Variants in LINGO2 observed in about 807,000 individuals in gnomAD.
LINGO2 encodes leucine-rich repeat and immunoglobulin-like domain-containing nogo receptor-interacting protein 2.
In LINGO2, 14 loss-of-function variants were observed where a neutral mutation model predicts 30.6. That is an observed-to-expected ratio of 0.46 (90% CI 0.30 to 0.72). The LOEUF (loss-of-function observed/expected upper bound fraction) is 0.72, where lower values mean the gene tolerates loss of function less well. Ranked by LOEUF, LINGO2 falls within the 30% of genes least tolerant of loss-of-function variation. The pLI, the probability that LINGO2 is intolerant of heterozygous loss-of-function variation, is 0.07. For missense variants in LINGO2, 729 were observed against 751.7 expected, an observed-to-expected ratio of 0.97 and a Z score of 0.35; for synonymous variants, 317 against 288.5, an observed-to-expected ratio of 1.10 and a Z score of -1.00.
intron 2 of LINGO2, among the ~76,000 whole-genome samples, chr9:28,393,916 C>T (rs1821938112): frequency 6.6e-6 from 1 of 152,134 alleles, no homozygotes; most frequent in Non-Finnish European, 1.5e-5. Context: ...GGAAAAAGCT[C>T]TTATACTAGC....
the LINGO2 span, among the ~76,000 whole-genome samples, chr9:28,773,490 A>T: frequency 6.6e-6 from 1 of 152,098 alleles, no homozygotes; most frequent in African/African-American, 2.4e-5. Context: ...GATGGTGATG[A>T]TGATGATGAT....
chr9:28,062,291 G>A (rs574740936), intron 4 of LINGO2, among the ~76,000 whole-genome samples: 2 of 151,778 alleles, frequency 1.3e-5, no homozygotes, highest in East Asian at 1.9e-4. Flanking sequence ...TCTTGACATT[G>A]GAACATTTCA....
At chr9:28,096,699 G>T (rs528148689) in intron 4 of LINGO2, among the ~76,000 whole-genome samples, 9 of 63,782 alleles carry the variant, frequency 1.4e-4, no homozygotes, top group Admixed American at 3.5e-4. Context: ...GCCAGGCACA[G>T]ATGAGTATAT....
chr9:28,284,803 G>A (rs1823449309), intron 4 of LINGO2, among the ~76,000 whole-genome samples: 1 of 152,098 alleles, frequency 6.6e-6, no homozygotes, highest in African/African-American at 2.4e-5. Context: ...TTATTTGATA[G>A]AAAAACCATT....
At position 27,988,521 on chromosome 9, in the gene LINGO2, G is replaced by C. The variant is rs568039485; in HGVS notation, c.-36+23834C>G. Among the ~76,000 whole-genome samples the C allele has an allele frequency of 2.6e-5, 4 of 152,066 alleles. No individual in the cohort carries two copies. In the South Asian group the frequency reaches 8.3e-4, roughly 32 times the overall value. ...TCCTCTCCAGCACCTGTTGTTTCCT[G>C]ACTTTTTAATGATCGTCATTCTAAC... On this transcript the variant is annotated intron_variant, in intron 5 of 5. Coordinates refer to ENST00000379992, the Ensembl canonical transcript of LINGO2.
chr9:28,558,898 T>C (rs1039920143), intron 1 of LINGO2, among the ~76,000 whole-genome samples: 2 of 151,912 alleles, frequency 1.3e-5, no homozygotes, highest in Admixed American at 6.6e-5. Flanking sequence ...TCTATATAAA[T>C]AAAAACCTAT....
At chr9:29,068,715 C>T in the LINGO2 span, among the ~76,000 whole-genome samples, 1 of 151,928 alleles carries the variant, frequency 6.6e-6, no homozygotes, top group South Asian at 2.1e-4. Flanking sequence ...CAAATTCATC[C>T]TGACAGCTTA....
chr9:28,576,994 C>A (rs954145630), intron 1 of LINGO2, among the ~76,000 whole-genome samples: 1 of 152,092 alleles, frequency 6.6e-6, no homozygotes. Flanking sequence ...CTGACTTAAA[C>A]AACTCCATCT....
At chr9:28,520,412 AT>A in intron 1 of LINGO2, among the ~76,000 whole-genome samples, 1 of 152,178 alleles carries the variant, frequency 6.6e-6, no homozygotes, top group Non-Finnish European at 1.5e-5. Context: ...TTTAATATCC[AT>A]TTATTACCTC....
chr9:28,479,174 C>T, intron 1 of LINGO2, among the ~76,000 whole-genome samples: 1 of 151,904 alleles, frequency 6.6e-6, no homozygotes, highest in Non-Finnish European at 1.5e-5. Flanking sequence ...ACTATTAATA[C>T]ATAGAGACAG....
chr9:28,949,322 G>C, the LINGO2 span, among the ~76,000 whole-genome samples: 7 of 151,948 alleles, frequency 4.6e-5, no homozygotes, highest in African/African-American at 1.7e-4. Flanking sequence ...CCAGGAGCTG[G>C]GTTTTTGAAA....
rs1443877458 is a variant in LINGO2, at chr9:28,222,335, T to C, written c.-87+72873A>G. 2.0e-5 allele frequency among the ~76,000 whole-genome samples: 3 copies of C among 152,192 alleles called. No homozygotes were observed. In the East Asian group the frequency reaches 5.8e-4, roughly 29 times the overall value. On this transcript the variant is annotated intron_variant, in intron 4 of 5. Coordinates refer to ENST00000379992, the Ensembl canonical transcript of LINGO2. ...ATAAATGGCATTTTCAGGTATTATA[T>C]GACATTGTTCCCATAAAATTCCAGT...
chr9:29,190,245 G>A, the LINGO2 span, among the ~76,000 whole-genome samples: 1 of 152,194 alleles, frequency 6.6e-6, no homozygotes, highest in South Asian at 2.1e-4. Context: ...AAAGTCATCA[G>A]ACAGATGGCC....
At chr9:28,561,749 G>A (rs796813787) in intron 1 of LINGO2, among the ~76,000 whole-genome samples, 654 of 48,532 alleles carry the variant, frequency 0.013, 43 homozygotes, top group African/African-American at 0.054. Flanking sequence ...GTGTGTGTGT[G>A]TATATATATA....
At chr9:28,044,417 G>T (rs1172845450) in intron 4 of LINGO2, among the ~76,000 whole-genome samples, 1 of 152,110 alleles carries the variant, frequency 6.6e-6, no homozygotes, top group African/African-American at 2.4e-5. Flanking sequence ...GACAGTGGGG[G>T]CTGCCCCATG....
chr9:28,706,616 C>G, the LINGO2 span, among the ~76,000 whole-genome samples: 1 of 152,208 alleles, frequency 6.6e-6, no homozygotes, highest in African/African-American at 2.4e-5. Context: ...GATAGACATG[C>G]TATTCCATAT....
At chr9:29,135,463 CAGG>C in the LINGO2 span, among the ~76,000 whole-genome samples, 1 of 150,728 alleles carries the variant, frequency 6.6e-6, no homozygotes, top group Non-Finnish European at 1.5e-5. Context: ...GAGGCTGAGG[CAGG>C]AGAATTGCTT....
At chr9:28,805,532 T>A in the LINGO2 span, among the ~76,000 whole-genome samples, 2 of 152,236 alleles carry the variant, frequency 1.3e-5, no homozygotes, top group African/African-American at 4.8e-5. Flanking sequence ...GTATACATAT[T>A]GGCCAATTTG....
chr9:27,966,606 A>G (rs1050332636), intron 5 of LINGO2, among the ~76,000 whole-genome samples: 2 of 152,096 alleles, frequency 1.3e-5, no homozygotes, highest in African/African-American at 4.8e-5. Flanking sequence ...GCATTAGGAC[A>G]AATACCTAAT....
Sources: gnomAD v4.1 joint callset for allele counts (sites outside exome capture counted in the v4.1 genomes callset) on GRCh38, gnomAD v4.1.1 for gene constraint, MANE v1.5 for transcripts, NCBI Gene and HGNC (gene_info 2026-07-23, HGNC 2026-07-21) for gene names.